The following DIAPH3 variants were observed in gnomAD, a reference collection of about 807,000 sequenced individuals.
DIAPH3 encodes diaphanous related formin 3.
Under a neutral mutation model 144.3 loss-of-function variants are expected in DIAPH3, and 117 were observed. The ratio of observed to expected loss-of-function variants is 0.81; its 90% CI spans 0.70 to 0.95. The LOEUF (loss-of-function observed/expected upper bound fraction) is 0.95. Ranked by LOEUF, DIAPH3 falls within the 40% of genes least tolerant of loss-of-function variation. DIAPH3 has a pLI of 0.00. For synonymous variants in DIAPH3, 519 were observed against 488.9 expected (o/e 1.06, Z -0.81); for missense variants, 1,421 against 1,412.7 (o/e 1.01, Z -0.09).
chr13:59,850,801 A>T (rs1446009390), intron 22 of DIAPH3, among the ~76,000 whole-genome samples: 2 of 148,564 alleles, frequency 1.3e-5, no homozygotes, highest in Middle Eastern at 3.2e-3. Flanking sequence ...TCCTCGACAC[A>T]TACACTCTCC....
chr13:59,923,442 A>G (rs1385793814), intron 18 of DIAPH3, among the ~76,000 whole-genome samples: 1 of 152,194 alleles, frequency 6.6e-6, no homozygotes, highest in African/African-American at 2.4e-5. Flanking sequence ...AAAAAACAAA[A>G]AACACAAAAT....
intron 24 of DIAPH3, among the ~76,000 whole-genome samples, chr13:59,819,074 T>C (rs1028591850): frequency 3.3e-5 from 5 of 151,858 alleles, no homozygotes; most frequent in Non-Finnish European, 5.9e-5. Context: ...GTGGTTAGGA[T>C]TGAGTGTTCT....
chr13:59,681,109 G>A (rs1031403860), intron 27 of DIAPH3, among the ~76,000 whole-genome samples: 2 of 152,098 alleles, frequency 1.3e-5, no homozygotes, highest in African/African-American at 4.8e-5. Flanking sequence ...ATTATAATGG[G>A]AGGTGTTACT....
chr13:59,952,507 A>T lies in DIAPH3; in HGVS notation c.2074+17437T>A, dbSNP rs532120049. ...GTAGACACCAATCAGGGTGCATCCA[A>T]CAACAACACAGAATTTACCTATAAT... is the stretch of plus-strand genomic sequence containing the variant. On this transcript the variant is annotated intron_variant, in intron 17 of 27. Coordinates refer to ENST00000400324, the MANE Select transcript of DIAPH3 (RefSeq NM_001042517.2). Among the ~76,000 whole-genome samples the T allele has an allele frequency of 2.0e-5, 3 of 152,296 alleles. No individual in the cohort carries two copies. In the South Asian group the frequency reaches 6.2e-4, roughly 32 times the overall value.
intron 4 of DIAPH3, among the ~76,000 whole-genome samples, chr13:60,051,767 C>G (rs528064484): frequency 6.6e-6 from 1 of 152,208 alleles, no homozygotes; most frequent in South Asian, 2.1e-4. Flanking sequence ...GATTCTGGTA[C>G]CTTGTCAGAT....
chr13:60,126,330 T>C (rs919536000), intron 2 of DIAPH3, among the ~76,000 whole-genome samples: 1 of 152,168 alleles, frequency 6.6e-6, no homozygotes, highest in Admixed American at 6.5e-5. Flanking sequence ...TTATATCAAG[T>C]AGAGTAGGTA....
At position 59,818,107 on chromosome 13, in the gene DIAPH3, C is replaced by G. The variant is rs552529054; in HGVS notation, c.3028-7184G>C. 3.3e-5 allele frequency among the ~76,000 whole-genome samples: 5 copies of G among 151,922 alleles called. No homozygotes were observed. The East Asian group carries it at 7.7e-4, about 23-fold the overall frequency. On this transcript the variant is annotated intron_variant, in intron 24 of 27. Coordinates refer to ENST00000400324, the MANE Select transcript of DIAPH3 (RefSeq NM_001042517.2). Reference sequence around the variant, plus strand: ...AAACAAAGTTTTACTGGTACATAGCCACAGCCGTTTATTTACATATTGGAT... The same window carrying G: ...AAACAAAGTTTTACTGGTACATAGCGACAGCCGTTTATTTACATATTGGAT...
intron 4 of DIAPH3, among the ~76,000 whole-genome samples, chr13:60,068,023 A>C (rs1334684595): frequency 6.6e-6 from 1 of 152,198 alleles, no homozygotes; most frequent in African/African-American, 2.4e-5. Context: ...CACCTCATGG[A>C]AATTCCTCAA....
intron 4 of DIAPH3, among the ~76,000 whole-genome samples, chr13:60,091,584 G>A (rs1000811486): frequency 6.6e-6 from 1 of 151,750 alleles, no homozygotes; most frequent in Non-Finnish European, 1.5e-5. Context: ...CACCACACCT[G>A]GCCTTATAGA....
intron 17 of DIAPH3, among the ~76,000 whole-genome samples, chr13:59,929,244 G>A (rs575162170): frequency 7.9e-5 from 12 of 152,182 alleles, no homozygotes; most frequent in African/African-American, 2.4e-4. Flanking sequence ...TATTCAACCT[G>A]TATATTACAA....
At chr13:59,804,976 A>C (rs970467843) in intron 25 of DIAPH3, among the ~76,000 whole-genome samples, 4 of 152,146 alleles carry the variant, frequency 2.6e-5, no homozygotes, top group African/African-American at 9.7e-5. Flanking sequence ...GTTATTCTAA[A>C]TTGCAGAATG....
intron 25 of DIAPH3, among the ~76,000 whole-genome samples, chr13:59,809,333 C>T (rs973826291): frequency 1.3e-5 from 2 of 152,078 alleles, no homozygotes; most frequent in African/African-American, 4.8e-5. Context: ...GAAACTCGGT[C>T]TCTACTAAAA....
intron 5 of DIAPH3, among the ~76,000 whole-genome samples, chr13:60,017,038 A>G (rs1484229980): frequency 6.6e-6 from 1 of 152,202 alleles, no homozygotes; most frequent in Non-Finnish European, 1.5e-5. Flanking sequence ...GTGTATATTT[A>G]TTTGTATGCC....
chr13:60,010,584 G>A lies in DIAPH3; in HGVS notation c.857C>T (p.Thr286Ile). ...AVDPRHPNMM[T>I]DVVKLLSAVC... Reference sequence around the variant, plus strand: ...CGCAGAGAGAAGTTTAACCACATCTGTCATCATATTGGGGTGTCTGGGATC... The same window carrying A: ...CGCAGAGAGAAGTTTAACCACATCTATCATCATATTGGGGTGTCTGGGATC... Residue 286 changes from threonine (T) to isoleucine (I), a missense_variant, in exon 8 of 28, where the codon ACA becomes ATA. By Grantham distance (89) the Thr-to-Ile change is moderately conservative (BLOSUM62 -1). Transcript: ENST00000400324. 7 of 1,613,176 alleles carry A rather than the reference G, an allele frequency of 4.3e-6. No individual in the cohort carries two copies. Among genetic ancestry groups the A allele is most frequent in the Non-Finnish European group, 3.4e-6 (4 of 1,179,524 alleles).
intron 2 of DIAPH3, among the ~76,000 whole-genome samples, chr13:60,126,774 A>T (rs1365968161): frequency 6.6e-6 from 1 of 152,154 alleles, no homozygotes. Context: ...AATATTTGGA[A>T]GTTAAATAAC....
intron 4 of DIAPH3, among the ~76,000 whole-genome samples, chr13:60,073,850 G>C (rs1263155027): frequency 6.6e-6 from 1 of 152,164 alleles, no homozygotes; most frequent in Non-Finnish European, 1.5e-5. Flanking sequence ...TTTGCAAACA[G>C]CATGCTATTA....
Position 59,920,445 on chromosome 13 carries a change from A to G in DIAPH3, c.2171-4196T>C, listed in dbSNP as rs541009582. Reference sequence around the variant, plus strand: ...ACTTTAAACCAAAAACTGTAAAAGGAGACAAAGGATATTACATAATAAAGT... The same window carrying G: ...ACTTTAAACCAAAAACTGTAAAAGGGGACAAAGGATATTACATAATAAAGT... On this transcript the variant is annotated intron_variant, in intron 18 of 27. Coordinates refer to ENST00000400324, the MANE Select transcript of DIAPH3 (RefSeq NM_001042517.2). Among the ~76,000 whole-genome samples, 286 of 151,980 alleles carry G rather than the reference A, an allele frequency of 1.9e-3. 1 individual carries two copies. Among genetic ancestry groups the G allele is most frequent in the Non-Finnish European group, 3.4e-3 (230 of 67,808 alleles).
At chr13:59,770,203 C>T (rs2038053256) in intron 27 of DIAPH3, among the ~76,000 whole-genome samples, 1 of 152,104 alleles carries the variant, frequency 6.6e-6, no homozygotes, top group South Asian at 2.1e-4. Context: ...GTGTTCACAG[C>T]TGGAACTTTA....
intron 25 of DIAPH3, among the ~76,000 whole-genome samples, chr13:59,807,787 A>G (rs1057043071): frequency 6.6e-6 from 1 of 152,074 alleles, no homozygotes; most frequent in African/African-American, 2.4e-5. Flanking sequence ...GAGCTCTATG[A>G]TTAACGAAAG....
Sources: gnomAD v4.1 joint callset for allele counts (sites outside exome capture counted in the v4.1 genomes callset) on GRCh38, gnomAD v4.1.1 for gene constraint, MANE v1.5 for transcripts, NCBI Gene and HGNC (gene_info 2026-07-23, HGNC 2026-07-21) for gene names.